The following MAP4K4 variants were observed in gnomAD, a reference collection of about 807,000 sequenced individuals.
MAP4K4 encodes HPK/GCK-like kinase HGK.
In MAP4K4, 38 loss-of-function variants were observed where a neutral mutation model predicts 189.6. That is an observed-to-expected ratio of 0.20 (90% CI 0.15 to 0.26). MAP4K4 has a LOEUF of 0.26. Among genes scored for constraint, MAP4K4 ranks in the 10% least tolerant of loss-of-function variants. MAP4K4 has a pLI of 1.00. For missense variants in MAP4K4, 1,054 were observed against 1,726.9 expected (o/e 0.61, Z 6.91); for synonymous variants, 610 against 624.3 (o/e 0.98, Z 0.34).
At chr2:101,891,987 T>TAAAA (rs60620198) in exon 33 of MAP4K4, 3 of 59,816 alleles carry the variant, frequency 5.0e-5, no homozygotes, top group African/African-American at 7.3e-5. Flanking sequence ...CAGATGGTTC[T>TAAAA]AAAAAAAAAA....
chr2:101,830,115 C>T (rs1009734214), intron 6 of MAP4K4, among the ~76,000 whole-genome samples: 2 of 151,922 alleles, frequency 1.3e-5, no homozygotes, highest in East Asian at 1.9e-4. Flanking sequence ...TCTCATGTTA[C>T]GGGCCTTTTC....
At chr2:101,838,572 T>G (rs1231403208) in intron 9 of MAP4K4, among the ~76,000 whole-genome samples, 1 of 152,218 alleles carries the variant, frequency 6.6e-6, no homozygotes, top group Non-Finnish European at 1.5e-5. Context: ...ATATCAAGTA[T>G]CCCACTTTTT....
intron 3 of MAP4K4, among the ~76,000 whole-genome samples, chr2:101,809,806 T>C (rs2095294680): frequency 6.6e-6 from 1 of 152,264 alleles, no homozygotes; most frequent in Non-Finnish European, 1.5e-5. Flanking sequence ...CTGTGGTTGA[T>C]GGACACAGCT....
intron 2 of MAP4K4, among the ~76,000 whole-genome samples, chr2:101,783,118 G>A (rs1011510500): frequency 2.6e-5 from 4 of 152,146 alleles, no homozygotes; most frequent in African/African-American, 4.8e-5. Context: ...GAGATATTCT[G>A]GGGAGAGAAT....
chr2:101,857,135 T>C (rs1003510107), intron 13 of MAP4K4, among the ~76,000 whole-genome samples: 1 of 152,198 alleles, frequency 6.6e-6, no homozygotes, highest in Non-Finnish European at 1.5e-5. Flanking sequence ...CTAGAAATAA[T>C]GATTACAGTT....
chr2:101,890,161 G>T (rs146391680), intron 32 of MAP4K4, among the ~76,000 whole-genome samples: 53 of 152,274 alleles, frequency 3.5e-4, no homozygotes, highest in African/African-American at 1.3e-3. Context: ...TGGGTTATAT[G>T]AAGTAATTAA....
intron 2 of MAP4K4, among the ~76,000 whole-genome samples, chr2:101,765,906 T>G (rs568739987): frequency 2.7e-4 from 41 of 151,904 alleles, no homozygotes; most frequent in African/African-American, 9.4e-4. Flanking sequence ...TCTCTAAAGG[T>G]GTTTCTTTGC....
chr2:101,863,535 GAA>G (rs963752462), intron 16 of MAP4K4, among the ~76,000 whole-genome samples: 5 of 149,506 alleles, frequency 3.3e-5, no homozygotes, highest in Admixed American at 2.0e-4. Context: ...TCTTTGTGGG[GAA>G]AAAAAAAATA....
intron 2 of MAP4K4, among the ~76,000 whole-genome samples, chr2:101,772,720 G>C (rs1049710758): frequency 2.0e-5 from 3 of 152,182 alleles, no homozygotes; most frequent in Non-Finnish European, 4.4e-5. Context: ...TCAGTTTCAT[G>C]TAATATAAAG....
At chr2:101,838,648 G>T (rs938408626) in intron 9 of MAP4K4, among the ~76,000 whole-genome samples, 1 of 152,112 alleles carries the variant, frequency 6.6e-6, no homozygotes, top group African/African-American at 2.4e-5. Flanking sequence ...GTCCGCTGTT[G>T]TGTATACCTA....
chr2:101,698,465 C>G lies in MAP4K4; in HGVS notation c.58-8C>G. The G allele has an allele frequency of 2.5e-6, 4 of 1,612,746 alleles. No individual in the cohort carries two copies. In the South Asian group the frequency reaches 4.4e-5, roughly 18 times the overall value. On this transcript the variant is annotated splice_polypyrimidine_tract_variant and splice_region_variant and intron_variant, in intron 1 of 32. Coordinates refer to ENST00000324219, the Ensembl canonical transcript of MAP4K4. ...TAAATGATAACCCCTCCCCTCCTTC[C>G]TCTCCAGGATCCTGCTGGGATTTTT...
intron 2 of MAP4K4, among the ~76,000 whole-genome samples, chr2:101,754,130 G>T (rs2070859730): frequency 6.6e-6 from 1 of 152,034 alleles, no homozygotes; most frequent in African/African-American, 2.4e-5. Flanking sequence ...TATTAATCTA[G>T]CCCTGTCTGC....
At chr2:101,790,669 T>C (rs1029999255) in intron 2 of MAP4K4, 51 bp from the exon 3 acceptor site, 1 of 1,336,794 alleles carries the variant, frequency 7.5e-7, no homozygotes, top group Admixed American at 1.9e-5. Flanking sequence ...GTTCTAATGA[T>C]TGTGCAAAAA....
intron 12 of MAP4K4, among the ~76,000 whole-genome samples, chr2:101,853,001 C>T (rs1404911633): frequency 6.6e-6 from 1 of 152,160 alleles, no homozygotes; most frequent in African/African-American, 2.4e-5. Flanking sequence ...TTTCATGCAC[C>T]CTTTCCTCAA....
At chr2:101,775,729 G>A (rs553062986) in intron 2 of MAP4K4, among the ~76,000 whole-genome samples, 1 of 152,278 alleles carries the variant, frequency 6.6e-6, no homozygotes, top group South Asian at 2.1e-4. Context: ...TGTGTGCCCC[G>A]AGGCAGCCCT....
chr2:101,698,077 GA>G (rs1573629485), exon 1 of MAP4K4: 64 of 1,322,078 alleles, frequency 4.8e-5, no homozygotes, highest in Middle Eastern at 2.1e-4. Flanking sequence ...GGCAAAAAGG[GA>G]AAATGGCGAA....
chr2:101,750,537 C>T (rs1160060050), intron 2 of MAP4K4, among the ~76,000 whole-genome samples: 3 of 148,154 alleles, frequency 2.0e-5, no homozygotes, highest in Non-Finnish European at 4.5e-5. Context: ...GGAGGGATAG[C>T]ATTGGGAGAT....
chr2:101,698,101 A>C (rs559484884), exon 1 of MAP4K4: 1 of 1,319,736 alleles, frequency 7.6e-7, no homozygotes, highest in East Asian at 5.6e-5. Context: ...ACTCCCCTGC[A>C]AAAAGTCTGG....
chr2:101,811,031 T>A (rs945863604), intron 3 of MAP4K4, among the ~76,000 whole-genome samples: 8 of 152,224 alleles, frequency 5.3e-5, no homozygotes, highest in Non-Finnish European at 1.2e-4. Context: ...TTGATTTCTT[T>A]TAACAGACTT....
Sources: gnomAD v4.1 joint callset for allele counts (sites outside exome capture counted in the v4.1 genomes callset) on GRCh38, gnomAD v4.1.1 for gene constraint, MANE v1.5 for transcripts, NCBI Gene and HGNC (gene_info 2026-07-23, HGNC 2026-07-21) for gene names.